The following ARHGAP12 variants were observed in gnomAD, a reference collection of about 807,000 sequenced individuals.
ARHGAP12 encodes the protein Rho GTPase activating protein 12.
In ARHGAP12, 64 loss-of-function variants were observed where a neutral mutation model predicts 108.6. The ratio of observed to expected loss-of-function variants is 0.59; its 90% confidence interval spans 0.48 to 0.73. ARHGAP12 has a LOEUF of 0.73. Among genes scored for constraint, ARHGAP12 ranks in the 30% least tolerant of loss-of-function variants. ARHGAP12 has a pLI of 0.00. For synonymous variants in ARHGAP12, 312 were observed against 337.2 expected, an observed-to-expected ratio of 0.93 and a Z score of 0.82; for missense variants, 940 against 1,005.9, an observed-to-expected ratio of 0.93 and a Z score of 0.89.
At chr10:31,895,791 T>C (rs1172057234) in intron 3 of ARHGAP12, among the ~76,000 whole-genome samples, 1 of 152,182 alleles carries the variant, frequency 6.6e-6, no homozygotes, top group African/African-American at 2.4e-5. Flanking sequence ...CATGCACACG[T>C]ATGTTTATTG....
intron 3 of ARHGAP12, among the ~76,000 whole-genome samples, chr10:31,862,945 G>T (rs1837185528): frequency 1.3e-5 from 2 of 152,256 alleles, no homozygotes; most frequent in South Asian, 4.1e-4. Flanking sequence ...ATACTGAATG[G>T]AAACACTGAA....
intron 5 of ARHGAP12, among the ~76,000 whole-genome samples, chr10:31,853,137 A>G (rs996049398): frequency 1.3e-5 from 2 of 152,178 alleles, no homozygotes; most frequent in Non-Finnish European, 2.9e-5. Context: ...CTATCCTCCA[A>G]TGTCTGGCTA....
intron 4 of ARHGAP12, among the ~76,000 whole-genome samples, chr10:31,856,579 A>G (rs891168443): frequency 2.5e-4 from 38 of 152,204 alleles, no homozygotes; most frequent in Admixed American, 3.9e-4. Flanking sequence ...ATTACTATTA[A>G]TACTACCTGG....
intron 3 of ARHGAP12, among the ~76,000 whole-genome samples, chr10:31,878,982 C>T (rs1837838474): frequency 6.6e-6 from 1 of 152,188 alleles, no homozygotes; most frequent in East Asian, 1.9e-4. Context: ...TCTATAACAT[C>T]AGAAAGAACA....
intron 15 of ARHGAP12, among the ~76,000 whole-genome samples, chr10:31,811,517 A>T (rs975857234): frequency 1.3e-5 from 2 of 149,152 alleles, no homozygotes; most frequent in Admixed American, 6.7e-5. Context: ...AATTAGCAAC[A>T]GTTTCTATTC....
chr10:31,889,102 G>A (rs537193119), intron 3 of ARHGAP12, among the ~76,000 whole-genome samples: 1 of 152,292 alleles, frequency 6.6e-6, no homozygotes, highest in East Asian at 1.9e-4. Context: ...AGTAGAGACA[G>A]GGTTTCGCCA....
chr10:31,827,971 A>G (rs77779088), intron 10 of ARHGAP12, among the ~76,000 whole-genome samples: 1,863 of 152,310 alleles, frequency 0.012, 42 homozygotes, highest in African/African-American at 0.042. Context: ...CTAGTGAAAT[A>G]AAGTTAATTA....
At chr10:31,888,247 A>T (rs1323579924) in intron 3 of ARHGAP12, among the ~76,000 whole-genome samples, 1 of 152,124 alleles carries the variant, frequency 6.6e-6, no homozygotes, top group Non-Finnish European at 1.5e-5. Context: ...TTATTTGGGG[A>T]CAAACTACTA....
chr10:31,862,100 A>G (rs1370534166), intron 3 of ARHGAP12, among the ~76,000 whole-genome samples: 5 of 152,268 alleles, frequency 3.3e-5, no homozygotes, highest in African/African-American at 1.2e-4. Context: ...AAAGTTTTAC[A>G]TATGAGTAGC....
intron 1 of ARHGAP12, among the ~76,000 whole-genome samples, chr10:31,928,342 G>A (rs1331979776): frequency 6.6e-6 from 1 of 151,914 alleles, no homozygotes; most frequent in African/African-American, 2.4e-5. Flanking sequence ...CCTGGGGGCG[G>A]GGCGGGCGGG....
intron 3 of ARHGAP12, among the ~76,000 whole-genome samples, chr10:31,862,989 T>C (rs998903770): frequency 6.6e-6 from 1 of 152,228 alleles, no homozygotes; most frequent in Non-Finnish European, 1.5e-5. Flanking sequence ...CTTTAACTTC[T>C]AAAAATATTT....
intron 3 of ARHGAP12, among the ~76,000 whole-genome samples, chr10:31,898,841 T>C (rs1838811453): frequency 6.6e-6 from 1 of 151,574 alleles, no homozygotes; most frequent in Non-Finnish European, 1.5e-5. Flanking sequence ...CCCACAACAA[T>C]AAAATAGTGT....
chr10:31,861,257 A>G (rs1837101284), intron 4 of ARHGAP12, 138 bp downstream of exon 4: 2 of 1,082,000 alleles, frequency 1.8e-6, no homozygotes, highest in African/African-American at 1.6e-5. Flanking sequence ...TAAAGCTTGG[A>G]AAGAATTTTT....
intron 3 of ARHGAP12, among the ~76,000 whole-genome samples, chr10:31,900,016 C>CT (rs1277087510): frequency 6.6e-6 from 1 of 152,084 alleles, no homozygotes; most frequent in African/African-American, 2.4e-5. Flanking sequence ...ACTCTTAAAA[C>CT]TCATCAATAA....
chr10:31,839,293 A>ATTGC lies in ARHGAP12; in HGVS notation c.1386+8_1386+11dup, dbSNP rs1836158626. The stretch of plus-strand genomic sequence containing the variant: ...GTCTATGCCTATTAAGAAGGAGAGG[A>ATTGC]TTGCTTCTTACCTTTGGACTGCTGG... On this transcript the variant is annotated intron_variant, in intron 9 of 19. Coordinates refer to ENST00000344936, the MANE Select transcript of ARHGAP12 (RefSeq NM_018287.7). 1 of 1,608,764 alleles carries ATTGC rather than the reference A, an allele frequency of 6.2e-7. No individual in the cohort carries two copies. The highest frequency in any genetic ancestry group is 8.5e-7 in the Non-Finnish European group (1 of 1,176,088).
chr10:31,834,423 A>G (rs1379975115), intron 9 of ARHGAP12, among the ~76,000 whole-genome samples: 1 of 152,172 alleles, frequency 6.6e-6, no homozygotes, highest in Non-Finnish European at 1.5e-5. Context: ...GCAAAAAGGA[A>G]CCATCTATGA....
At chr10:31,810,807 G>T in intron 15 of ARHGAP12, 60 bp from the exon 16 acceptor site, 1 of 1,312,812 alleles carries the variant, frequency 7.6e-7, no homozygotes, top group Non-Finnish European at 1.1e-6. Flanking sequence ...TCATGAAATG[G>T]CTAACCATTC....
intron 15 of ARHGAP12, among the ~76,000 whole-genome samples, 200 bp from the exon 16 acceptor site, chr10:31,810,947 C>T (rs977839422): frequency 5.9e-5 from 9 of 152,170 alleles, no homozygotes; most frequent in Admixed American, 2.6e-4. Flanking sequence ...AACCCTTACT[C>T]ACTCTTGCCT....
At chr10:31,844,010 A>C (rs1345902673) in intron 6 of ARHGAP12, among the ~76,000 whole-genome samples, 1 of 152,178 alleles carries the variant, frequency 6.6e-6, no homozygotes, top group Non-Finnish European at 1.5e-5. Context: ...TTCTACTTCT[A>C]TCTCTTCTAC....
Sources: gnomAD v4.1 joint callset for allele counts (sites outside exome capture counted in the v4.1 genomes callset) on GRCh38, gnomAD v4.1.1 for gene constraint, MANE v1.5 for transcripts, NCBI Gene and HGNC (gene_info 2026-07-23, HGNC 2026-07-21) for gene names.